PREX1: variants seen among roughly 807,000 people sequenced by gnomAD.
PREX1 encodes the protein phosphatidylinositol-3,4,5-trisphosphate dependent Rac exchange factor 1, also known as phosphatidylinositol 3,4,5-trisphosphate-dependent Rac exchanger 1 protein.
A neutral mutation model predicts 198.3 loss-of-function variants in PREX1; 41 were observed. The observed-to-expected ratio is 0.21, with a 90% CI of 0.16 to 0.27. The LOEUF is 0.27. Ranked by LOEUF, PREX1 falls within the 10% of genes least tolerant of loss-of-function variation. The pLI, the probability that PREX1 is intolerant of heterozygous loss-of-function variation, is 1.00. For missense variants in PREX1, 1,620 were observed against 2,200.7 expected (o/e 0.74, Z 5.28); for synonymous variants, 843 against 887.2 (o/e 0.95, Z 0.89).
At chr20:48,651,150 C>T (rs1262307169) in intron 22 of PREX1, 95 bp from the exon 23 acceptor site, 3 of 1,454,870 alleles carry the variant, frequency 2.1e-6, no homozygotes, top group Non-Finnish European at 2.8e-6. Context: ...TCGTAATACC[C>T]CCCGGGAAGT....
chr20:48,641,553 A>G (rs1258562801), intron 29 of PREX1, among the ~76,000 whole-genome samples: 1 of 152,042 alleles, frequency 6.6e-6, no homozygotes. Flanking sequence ...TTGGGAGGCC[A>G]AGGCAGGAGG....
intron 16 of PREX1, among the ~76,000 whole-genome samples, chr20:48,659,663 T>C (rs1464515244): frequency 1.3e-5 from 2 of 149,946 alleles, no homozygotes; most frequent in East Asian, 2.0e-4. Flanking sequence ...CTCTATACAG[T>C]GTACGGGGAG....
At position 48,680,432 on chromosome 20, in the gene PREX1, G is replaced by A. The variant is rs527550553; in HGVS notation, c.1436-678C>T. Among the ~76,000 whole-genome samples the A allele has an allele frequency of 9.9e-5, 15 of 152,274 alleles. No individual in the cohort carries two copies. In the East Asian group the frequency reaches 2.1e-3, roughly 22 times the overall value. ...TTCCTCTACGCAGAGCTCAGCAACAGCTTCATAGCTCACTCAGAGTAAAAG... is the reference window on the plus strand; with the variant it reads ...TTCCTCTACGCAGAGCTCAGCAACAACTTCATAGCTCACTCAGAGTAAAAG... On this transcript the variant is annotated intron_variant, in intron 11 of 39. Transcript: ENST00000371941.
chr20:48,660,999 C>T (rs1158149078), intron 15 of PREX1, among the ~76,000 whole-genome samples: 1 of 152,182 alleles, frequency 6.6e-6, no homozygotes, highest in Non-Finnish European at 1.5e-5. Flanking sequence ...ACAGCTACGG[C>T]CATTTGTATT....
Position 48,653,486 on chromosome 20 carries a change from T to C in PREX1, c.2221A>G (p.Met741Val). Residue 741 changes from methionine to valine, a missense_variant, in exon 20 of 40, where the codon ATG (methionine) becomes GTG (valine). Around this residue, in one of 7 missense-constraint regions of PREX1, gnomAD observed 514 missense variants for 611.6 expected, o/e 0.84. Coordinates refer to ENST00000371941, the MANE Select transcript of PREX1 (RefSeq NM_020820.4). Reference protein sequence around the residue: ...VYAVGRGSEAMAAGLCAGQCI... With the variant: ...VYAVGRGSEAVAAGLCAGQCI... The stretch of plus-strand genomic sequence containing the variant: ...TGACCAGCACAGAGCCCTGCAGCCA[T>C]GGCCTCAGAGCCTAAGGGGAACAGG... 3.1e-6 allele frequency: 5 copies of C among 1,611,670 alleles called. No individual in the cohort carries two copies. The highest frequency in any genetic ancestry group is 1.1e-5 in the South Asian group (1 of 91,064).
chr20:48,785,102 T>C (rs990613018), intron 1 of PREX1, among the ~76,000 whole-genome samples: 11 of 152,108 alleles, frequency 7.2e-5, no homozygotes, highest in Admixed American at 4.6e-4. Flanking sequence ...TTAGTAGAGA[T>C]GGGGTTTCAC....
intron 5 of PREX1, among the ~76,000 whole-genome samples, chr20:48,717,483 A>G (rs1378587282): frequency 1.4e-5 from 2 of 139,156 alleles, no homozygotes; most frequent in African/African-American, 2.9e-5. Flanking sequence ...TGCTAAGGAT[A>G]CCCACCACCA....
In PREX1 at chr20:48,629,527, C is replaced by T. The variant is rs200532654; in HGVS notation, c.4688G>A (p.Gly1563Asp). 6.2e-7 allele frequency: 1 copy of T among 1,614,094 alleles called. No individual in the cohort carries two copies. The highest frequency in any genetic ancestry group is 2.2e-5 in the East Asian group (1 of 44,868). ...KPGAAGSVGA[G>D]LIPISSELCY... ...GAGCTCCGAGGAGATGGGGATGAGG[C>T]CGGCGCCCACACTCCCAGCAGCACC... The change falls in exon 37 of 40, where the codon GGC becomes GAC. Residue 1563 changes from glycine (G) to aspartate (D), a missense_variant. By Grantham distance (94) the Gly-to-Asp change is moderately conservative. Coordinates refer to ENST00000371941, the MANE Select transcript of PREX1 (RefSeq NM_020820.4).
chr20:48,662,228 G>A (rs2089602143), intron 15 of PREX1, among the ~76,000 whole-genome samples: 1 of 152,188 alleles, frequency 6.6e-6, no homozygotes, highest in South Asian at 2.1e-4. Flanking sequence ...GGGGCCGCTG[G>A]CTTCGACTCC....
intron 31 of PREX1, 36 bp downstream of exon 31, chr20:48,637,675 G>A (rs752374891): frequency 1.3e-5 from 21 of 1,578,088 alleles, no homozygotes; most frequent in Admixed American, 7.1e-5. Flanking sequence ...GGAAGAGGCC[G>A]GGTATGTGCC....
At chr20:48,643,620 T>C (rs751331394) in intron 27 of PREX1, among the ~76,000 whole-genome samples, 17 of 152,302 alleles carry the variant, frequency 1.1e-4, no homozygotes, top group Non-Finnish European at 2.4e-4. Context: ...GGGTCATTTC[T>C]GGGGGAGATG....
rs142859989 is a variant in PREX1 at position 48,706,393 on chromosome 20, T to G, written c.783+1867A>C. ...ACTTATGTATGTTGCTCTTTTCACC[T>G]TGGCTTCCAGGAAACTCAAAACCCA... On this transcript the variant is annotated intron_variant, in intron 6 of 39. Transcript: ENST00000371941. 1.5e-3 allele frequency among the ~76,000 whole-genome samples: 225 copies of G among 152,336 alleles called. 1 individual carries two copies. The highest frequency in any genetic ancestry group is 5.1e-3 in the African/African-American group (213 of 41,568).
In PREX1 at chr20:48,632,377, C is replaced by T. The variant is rs373120707; in HGVS notation, c.4426G>A (p.Glu1476Lys). The T allele has an allele frequency of 6.2e-7, 1 of 1,613,772 alleles. No homozygotes were observed. Among genetic ancestry groups the T allele is most frequent in the Non-Finnish European group, 8.5e-7 (1 of 1,179,996 alleles). ...TGGCTGCCTGGAGAAGGCAGCCCCT[C>T]CACGTTCTCCAGCACTGGGAGGGGA... ...ALFTKVLENVEGLPSPGSQAA... is the reference protein window; with the variant it reads ...ALFTKVLENVKGLPSPGSQAA... Residue 1476 changes from glutamate (E) to lysine (K), a missense_variant, in exon 35 of 40, where the codon GAG becomes AAG. Glu to Lys is a moderately conservative substitution (Grantham distance 56). Transcript: ENST00000371941.
At chr20:48,804,462 T>A (rs985963263) in intron 1 of PREX1, among the ~76,000 whole-genome samples, 1 of 152,130 alleles carries the variant, frequency 6.6e-6, no homozygotes, top group Non-Finnish European at 1.5e-5. Flanking sequence ...ACCTGGAGAA[T>A]GTTCCCGACC....
chr20:48,883,560 A>C, the PREX1 span, among the ~76,000 whole-genome samples: 1 of 152,144 alleles, frequency 6.6e-6, no homozygotes, highest in East Asian at 1.9e-4. Flanking sequence ...GTGGGATATA[A>C]GATCAACATA....
chr20:48,821,852 T>C (rs2090487037), intron 1 of PREX1: 1 of 152,160 alleles, frequency 6.6e-6, no homozygotes, highest in African/African-American at 2.4e-5. Flanking sequence ...GACAGTTAAA[T>C]TGCTACCAGG....
intron 11 of PREX1, 35 bp downstream of exon 11, chr20:48,681,200 C>G: frequency 4.4e-6 from 7 of 1,583,990 alleles, no homozygotes; most frequent in Non-Finnish European, 6.1e-6. Context: ...CCTGTTCCCA[C>G]CCCTTGGCCC....
At chr20:48,778,505 G>C (rs565082109) in intron 1 of PREX1, among the ~76,000 whole-genome samples, 124 of 152,038 alleles carry the variant, frequency 8.2e-4, no homozygotes, top group African/African-American at 2.9e-3. Flanking sequence ...TGGGACAATC[G>C]CTTGAACCCA....
intron 5 of PREX1, among the ~76,000 whole-genome samples, chr20:48,716,926 ACAG>A (rs2089964873): frequency 6.6e-6 from 1 of 152,222 alleles, no homozygotes; most frequent in Non-Finnish European, 1.5e-5. Context: ...CAGGACATGG[ACAG>A]ACGGAGTCAG....
Sources: gnomAD v4.1 joint callset for allele counts (sites outside exome capture counted in the v4.1 genomes callset) on GRCh38, gnomAD v4.1.1 for gene constraint, gnomAD v4.1.1 regional missense constraint, MANE v1.5 for transcripts, NCBI Gene and HGNC (gene_info 2026-07-23, HGNC 2026-07-21) for gene names.